The following XPO4 variants were observed in gnomAD, a reference collection of about 807,000 sequenced individuals.
The protein encoded by XPO4 is exportin 4, also known as exportin-4.
XPO4 carries 39 observed loss-of-function variants against 143.0 expected under a neutral mutation model. The ratio of observed to expected loss-of-function variants is 0.27; its 90% CI spans 0.21 to 0.36. The LOEUF (loss-of-function observed/expected upper bound fraction) is 0.36. XPO4 is among the 10% of genes least tolerant of loss of function. The probability of loss-of-function intolerance (pLI) is 1.00; values close to 1 mark genes in which losing one functional copy is unlikely to be tolerated. For missense variants in XPO4, 907 were observed against 1,348.0 expected, an observed-to-expected ratio of 0.67 and a Z score of 5.12; for synonymous variants, 439 against 474.0, an observed-to-expected ratio of 0.93 and a Z score of 0.96.
At chr13:20,840,914 T>C (rs2059967331) in intron 6 of XPO4, among the ~76,000 whole-genome samples, 1 of 152,042 alleles carries the variant, frequency 6.6e-6, no homozygotes, top group African/African-American at 2.4e-5. Flanking sequence ...AAGGAATTAT[T>C]TCCTTTGGCA....
chr13:20,858,857 C>A (rs2060168790), intron 3 of XPO4, among the ~76,000 whole-genome samples: 1 of 148,762 alleles, frequency 6.7e-6, no homozygotes, highest in Non-Finnish European at 1.5e-5. Context: ...GGTGACAGAG[C>A]AAGACTTCGT....
chr13:20,801,328 C>T (rs2059430117), intron 13 of XPO4, among the ~76,000 whole-genome samples: 1 of 152,198 alleles, frequency 6.6e-6, no homozygotes, highest in South Asian at 2.1e-4. Context: ...ATTAAATCTT[C>T]AGAGTACATG....
At chr13:20,883,570 T>C (rs558298595) in intron 1 of XPO4, among the ~76,000 whole-genome samples, 1 of 152,184 alleles carries the variant, frequency 6.6e-6, no homozygotes, top group Non-Finnish European at 1.5e-5. Flanking sequence ...ACTATTAACC[T>C]AGAAATGTCT....
In XPO4 at chr13:20,809,979, G is replaced by T. The variant is rs373452788; in HGVS notation, c.1174-12C>A. 7.2e-4 allele frequency: 1,136 copies of T among 1,586,356 alleles called. 18 individuals are homozygous for T. In the South Asian group the frequency reaches 0.013, roughly 18 times the overall value. On this transcript the variant is annotated splice_polypyrimidine_tract_variant and intron_variant, in intron 9 of 22. Transcript: ENST00000255305. ...TCATCTTTATCAAGCTAAAAGAAAA[G>T]AACACTCATAAAACAAATGTCCAGA... is the stretch of plus-strand genomic sequence containing the variant.
intron 13 of XPO4, among the ~76,000 whole-genome samples, chr13:20,806,570 T>G (rs1487297419): frequency 1.7e-5 from 1 of 57,892 alleles, no homozygotes; most frequent in East Asian, 7.8e-4. Flanking sequence ...TTTTTTTTTT[T>G]TGAGACAGAG....
intron 6 of XPO4, among the ~76,000 whole-genome samples, chr13:20,832,323 T>C (rs1223581550): frequency 6.6e-6 from 1 of 152,198 alleles, no homozygotes; most frequent in Non-Finnish European, 1.5e-5. Flanking sequence ...AATACACAGG[T>C]CCGTAATTAT....
At chr13:20,810,329 T>C (rs1171929387) in intron 9 of XPO4, among the ~76,000 whole-genome samples, 1 of 152,188 alleles carries the variant, frequency 6.6e-6, no homozygotes, top group East Asian at 1.9e-4. Context: ...ACAGACTGAC[T>C]TAATCAGCAG....
chr13:20,873,680 G>T (rs2060324708), intron 1 of XPO4, among the ~76,000 whole-genome samples: 1 of 151,960 alleles, frequency 6.6e-6, no homozygotes, highest in East Asian at 1.9e-4. Context: ...ACCCAGGCTG[G>T]AGTGCAGTGG....
intron 1 of XPO4, among the ~76,000 whole-genome samples, chr13:20,876,429 GA>G (rs201129028): frequency 0.06 from 9,074 of 151,672 alleles, 323 homozygotes; most frequent in Middle Eastern, 0.11. Flanking sequence ...AAATCAATGA[GA>G]AAAAAAATAG....
At chr13:20,817,674 CAAACT>C (rs2059666878) in intron 9 of XPO4, among the ~76,000 whole-genome samples, 4 of 152,176 alleles carry the variant, frequency 2.6e-5, no homozygotes, top group African/African-American at 9.6e-5. Context: ...AACCAAGAAA[CAAACT>C]AGAGTATACA....
intron 3 of XPO4, among the ~76,000 whole-genome samples, chr13:20,860,196 G>T (rs1191551777): frequency 1.3e-5 from 2 of 152,206 alleles, no homozygotes; most frequent in African/African-American, 4.8e-5. Flanking sequence ...GAGACTTTAT[G>T]TTAGTTTCCC....
intron 6 of XPO4, among the ~76,000 whole-genome samples, chr13:20,830,944 G>A (rs1400418648): frequency 6.6e-6 from 1 of 151,874 alleles, no homozygotes; most frequent in Non-Finnish European, 1.5e-5. Context: ...CACAATGTGG[G>A]CAGAATAATG....
chr13:20,891,959 A>G (rs771266366), intron 1 of XPO4, among the ~76,000 whole-genome samples: 3 of 151,892 alleles, frequency 2.0e-5, no homozygotes, highest in Non-Finnish European at 4.4e-5. Context: ...AAGTGGAGCT[A>G]CAGACAGGAT....
intron 6 of XPO4, among the ~76,000 whole-genome samples, chr13:20,833,935 T>TG (rs2059883725): frequency 6.6e-6 from 1 of 152,056 alleles, no homozygotes; most frequent in Admixed American, 6.6e-5. Flanking sequence ...ATGGGGATGA[T>TG]GGTATGATGG....
chr13:20,875,386 A>T (rs866816911), intron 1 of XPO4, among the ~76,000 whole-genome samples: 8 of 152,282 alleles, frequency 5.3e-5, no homozygotes, highest in South Asian at 4.1e-4. Context: ...TCACTGCCCT[A>T]ATCCCTGTCT....
At chr13:20,891,332 T>C (rs1419339792) in intron 1 of XPO4, among the ~76,000 whole-genome samples, 1 of 152,088 alleles carries the variant, frequency 6.6e-6, no homozygotes, top group African/African-American at 2.4e-5. Flanking sequence ...AGTGTTACTC[T>C]AGAAGAAATC....
At chr13:20,796,284 T>C (rs1355148422) in intron 17 of XPO4, 28 bp from the exon 18 acceptor site, 22 of 1,528,644 alleles carry the variant, frequency 1.4e-5, no homozygotes, top group Non-Finnish European at 1.9e-5. Flanking sequence ...GCACAAATTA[T>C]GCTACTTGGT....
chr13:20,836,328 T>A (rs1224171322), intron 6 of XPO4, among the ~76,000 whole-genome samples: 1 of 133,124 alleles, frequency 7.5e-6, no homozygotes, highest in Non-Finnish European at 1.7e-5. Flanking sequence ...ATCTTACCTA[T>A]CGGTAACAGA....
In XPO4 at chr13:20,800,821, A is replaced by C; in HGVS notation, c.1977+10T>G. ...AAATCCAAATGAAGTTTTAAGTTTT[A>C]CATTCTGACCTGATCATACAGTTTT... On this transcript the variant is annotated intron_variant, in intron 14 of 22. Coordinates refer to ENST00000255305, the MANE Select transcript of XPO4 (RefSeq NM_022459.5). 1 of 1,605,920 alleles carries C rather than the reference A, an allele frequency of 6.2e-7. No homozygotes were observed. The highest frequency in any genetic ancestry group is 1.7e-5 in the Admixed American group (1 of 57,762).
Sources: allele counts gnomAD v4.1 joint callset (sites outside exome capture counted in the v4.1 genomes callset), GRCh38; gene constraint gnomAD v4.1.1; transcripts MANE v1.5; gene names NCBI Gene and HGNC (gene_info 2026-07-23, HGNC 2026-07-21).